The following FYB1 variants were observed in gnomAD, a reference collection of about 807,000 sequenced individuals.
The protein encoded by FYB1 is FYN-binding protein 1.
In FYB1, 41 loss-of-function variants were observed where a neutral mutation model predicts 94.1. The ratio of observed to expected loss-of-function variants is 0.44; its 90% confidence interval spans 0.34 to 0.57. The LOEUF (loss-of-function observed/expected upper bound fraction) is 0.57. Ranked by LOEUF, FYB1 falls within the 20% of genes least tolerant of loss-of-function variation. The probability of loss-of-function intolerance (pLI) is 0.02; values close to 1 mark genes in which losing one functional copy is unlikely to be tolerated. For synonymous variants in FYB1, 367 were observed against 353.2 expected, an observed-to-expected ratio of 1.04 and a Z score of -0.44; for missense variants, 1,050 against 976.8, an observed-to-expected ratio of 1.07 and a Z score of -1.00.
intron 3 of FYB1, among the ~76,000 whole-genome samples, chr5:39,147,452 C>CTGTGTGTGTGTGTGTGTGTG (rs71606520): frequency 1.4e-5 from 2 of 144,516 alleles, no homozygotes; most frequent in African/African-American, 5.2e-5. Context: ...GTACATATGC[C>CTGTGTGTGTGTGTGTGTGTG]TGTGTGTGTG....
intron 2 of FYB1, among the ~76,000 whole-genome samples, chr5:39,166,721 C>A (rs1039345024): frequency 6.6e-6 from 1 of 151,962 alleles, no homozygotes; most frequent in Non-Finnish European, 1.5e-5. Context: ...CAAAAAGCAC[C>A]TGTTCTCACT....
rs76514087 is a variant in FYB1, at chr5:39,118,564, G to A, written c.2401+310C>T. On this transcript the variant is annotated intron_variant, in intron 16 of 18. Transcript: ENST00000512982. ...GTCAAGGGTGGGTACAGGGAACTGC[G>A]ATTTTAATACACACGCAAGGGCTTT... 9.1e-3 allele frequency among the ~76,000 whole-genome samples: 1,383 copies of A among 152,196 alleles called. 18 individuals carry two copies. The highest frequency in any genetic ancestry group is 0.03 in the African/African-American group (1,264 of 41,528).
chr5:39,231,753 C>CTTTTTTTTTTT (rs1561294595), intron 1 of FYB1, among the ~76,000 whole-genome samples: 4 of 152,102 alleles, frequency 2.6e-5, no homozygotes, highest in African/African-American at 9.6e-5. Flanking sequence ...AGAGCTATTT[C>CTTTTTTTTTTT]TCTTTCACAG....
rs1274837122 is a variant in FYB1, at chr5:39,134,724, A to G, written c.1675+131T>C. On this transcript the variant is annotated intron_variant, in intron 8 of 18. Transcript: ENST00000512982. ...GACGGAACTATACCTGCCATTTAACATTTTCCTCCCTTTGTCCACTCTGTA... is the reference window on the plus strand; with the variant it reads ...GACGGAACTATACCTGCCATTTAACGTTTTCCTCCCTTTGTCCACTCTGTA... 1.4e-5 allele frequency: 13 copies of G among 896,868 alleles called. No individual in the cohort carries two copies. The African/African-American group carries it at 1.8e-4, about 13-fold the overall frequency. 55.6% of individuals were successfully genotyped at this position (896,868 alleles called of 1,614,324 possible).
intron 2 of FYB1, among the ~76,000 whole-genome samples, chr5:39,165,356 C>T (rs1288904297): frequency 6.6e-6 from 1 of 152,144 alleles, no homozygotes. Context: ...GCCAACTGAT[C>T]TTTGACAAAG....
At chr5:39,143,274 T>C (rs1378813969) in intron 3 of FYB1, among the ~76,000 whole-genome samples, 2 of 152,182 alleles carry the variant, frequency 1.3e-5, no homozygotes, top group Non-Finnish European at 2.9e-5. Context: ...GTTTCTTTTC[T>C]TGGTGGATGG....
intron 9 of FYB1, among the ~76,000 whole-genome samples, chr5:39,132,073 A>C (rs769806154): frequency 6.6e-6 from 1 of 152,126 alleles, no homozygotes. Context: ...TTTCATATTT[A>C]CTGTAGATAC....
At position 39,161,488 on chromosome 5, in the gene FYB1, T is replaced by C. The variant is rs964011852; in HGVS notation, c.1136-7884A>G. On this transcript the variant is annotated intron_variant, in intron 2 of 18. Transcript: ENST00000512982. ...TCAAGAAATATATTCTATGTATTTTTTTACAGAAATGGAACCATGGTATAT... is the reference window on the plus strand; with the variant it reads ...TCAAGAAATATATTCTATGTATTTTCTTACAGAAATGGAACCATGGTATAT... 2.0e-5 allele frequency among the ~76,000 whole-genome samples: 3 copies of C among 152,152 alleles called. No homozygotes were observed. The East Asian group carries it at 5.8e-4, about 29-fold the overall frequency.
chr5:39,266,493 T>TTTC (rs1752441837), intron 1 of FYB1, among the ~76,000 whole-genome samples: 1 of 152,226 alleles, frequency 6.6e-6, no homozygotes, highest in South Asian at 2.1e-4. Flanking sequence ...TGCTTCATTC[T>TTTC]CACACATTTC....
At chr5:39,136,499 T>C (rs191419873) in intron 7 of FYB1, among the ~76,000 whole-genome samples, 226 of 152,378 alleles carry the variant, frequency 1.5e-3, no homozygotes, top group Middle Eastern at 6.8e-3. Flanking sequence ...TACTTACATA[T>C]AGCAAGCTTT....
chr5:39,154,425 T>A (rs1156475603), intron 2 of FYB1, among the ~76,000 whole-genome samples: 1 of 152,176 alleles, frequency 6.6e-6, no homozygotes, highest in Non-Finnish European at 1.5e-5. Context: ...AAAGAGGATA[T>A]CTTGACAAAC....
chr5:39,150,174 G>A (rs1347179667), intron 3 of FYB1, among the ~76,000 whole-genome samples: 5 of 152,108 alleles, frequency 3.3e-5, no homozygotes, highest in African/African-American at 1.2e-4. Context: ...TCACCAAACT[G>A]AAACTGAGTT....
chr5:39,129,985 T>G (rs1162252348), intron 10 of FYB1, among the ~76,000 whole-genome samples: 1 of 151,938 alleles, frequency 6.6e-6, no homozygotes. Flanking sequence ...CTATTCACAG[T>G]AGCAAAGATA....
intron 2 of FYB1, among the ~76,000 whole-genome samples, chr5:39,160,133 C>T (rs1009364239): frequency 2.0e-5 from 3 of 152,186 alleles, no homozygotes; most frequent in African/African-American, 7.2e-5. Flanking sequence ...ATCAACCTTC[C>T]AGTTTTTATT....
intron 2 of FYB1, among the ~76,000 whole-genome samples, chr5:39,163,232 G>C (rs1744427547): frequency 6.6e-6 from 1 of 152,138 alleles, no homozygotes; most frequent in South Asian, 2.1e-4. Flanking sequence ...GGGAAATTTT[G>C]AAAACCAATT....
intron 1 of FYB1, among the ~76,000 whole-genome samples, chr5:39,251,276 A>C (rs1342014793): frequency 6.6e-6 from 1 of 152,242 alleles, no homozygotes; most frequent in Non-Finnish European, 1.5e-5. Context: ...TACATAGCCC[A>C]ACACTTTATA....
chr5:39,243,274 G>A (rs936600037), intron 1 of FYB1, among the ~76,000 whole-genome samples: 5 of 150,160 alleles, frequency 3.3e-5, no homozygotes, highest in Non-Finnish European at 4.4e-5. Flanking sequence ...ATGGTTTTAG[G>A]TCTAACATTT....
chr5:39,115,184 C>A (rs549377418), intron 16 of FYB1, among the ~76,000 whole-genome samples: 3 of 151,804 alleles, frequency 2.0e-5, no homozygotes, highest in Non-Finnish European at 1.5e-5. Context: ...CAAACTCTGC[C>A]TCCTGGGTTC....
chr5:39,109,974 A>G (rs426102), intron 17 of FYB1, among the ~76,000 whole-genome samples: 112,145 of 152,026 alleles, frequency 0.74, 41,809 homozygotes, highest in South Asian at 0.83. Flanking sequence ...AGCACCTACT[A>G]TGAAGTCACT....
Sources: gnomAD v4.1 joint callset for allele counts (sites outside exome capture counted in the v4.1 genomes callset) on GRCh38, gnomAD v4.1.1 for gene constraint, MANE v1.5 for transcripts, NCBI Gene and HGNC (gene_info 2026-07-23, HGNC 2026-07-21) for gene names.